The following SPTBN4 variants were observed in gnomAD, a reference collection of about 807,000 sequenced individuals.
SPTBN4 encodes the protein spectrin beta chain, non-erythrocytic 4.
SPTBN4 carries 96 observed loss-of-function variants against 277.8 expected under a neutral mutation model. That is an observed-to-expected ratio of 0.35 (90% CI 0.29 to 0.41). The LOEUF (loss-of-function observed/expected upper bound fraction) is 0.41. SPTBN4 is among the 10% of genes least tolerant of loss of function. The pLI is 1.00. For missense variants in SPTBN4, 3,006 were observed against 3,595.7 expected (o/e 0.84, Z 4.19); for synonymous variants, 1,481 against 1,580.3 (o/e 0.94, Z 1.49).
chr19:40,557,548 T>C, intron 26 of SPTBN4, 145 bp downstream of exon 26: 7 of 969,448 alleles, frequency 7.2e-6, no homozygotes, highest in Non-Finnish European at 1.0e-5. Flanking sequence ...AGAAATTAGA[T>C]AATGGAGCAG....
rs1444674358 is a variant in SPTBN4 at position 40,554,178 on chromosome 19, C to G, written c.4706C>G (p.Pro1569Arg). The change falls in exon 23 of 36, where the codon CCG (proline) becomes CGG (arginine). Residue 1569 changes from proline (P) to arginine (R), a missense_variant. Pro to Arg is a moderately radical substitution (Grantham distance 103). Around this residue, in one of 5 missense-constraint regions of SPTBN4, gnomAD observed 1,759 missense variants for 2,061.5 expected, o/e 0.85. Coordinates refer to ENST00000598249, the MANE Select transcript of SPTBN4 (RefSeq NM_020971.3). The surrounding 1 kb of genome is among the most constrained non-coding windows in gnomAD (Gnocchi z 5.7). ...GLRREIQAHG[P>R]RLEEVLERAG... is the part of the protein sequence containing the mutation. The stretch of plus-strand genomic sequence containing the variant: ...CGGCGGGAGATCCAGGCGCATGGGC[C>G]GCGCCTGGAGGAGGTGCTGGAGCGC... The G allele has an allele frequency of 2.1e-6, 3 of 1,453,696 alleles. No homozygotes were observed. The highest frequency in any genetic ancestry group is 1.5e-5 in the African/African-American group (1 of 67,212). The allele number at this position is 1,453,696 out of a possible 1,614,324, so 90.0% of individuals were successfully genotyped here.
At chr19:40,549,513 C>G (rs1406775400) in intron 21 of SPTBN4, 100 bp downstream of exon 21, 1 of 928,782 alleles carries the variant, frequency 1.1e-6, no homozygotes, top group African/African-American at 1.8e-5. Context: ...CTGAGACCCT[C>G]CCACTCATAC....
At chr19:40,496,102 A>C (rs969284244) in intron 6 of SPTBN4, among the ~76,000 whole-genome samples, 1 of 152,142 alleles carries the variant, frequency 6.6e-6, no homozygotes, top group Non-Finnish European at 1.5e-5. Context: ...TCAATAGTCA[A>C]TGTATCCATT....
chr19:40,575,929 A>G lies in SPTBN4; in HGVS notation c.*360A>G. 1 of 190,638 alleles carries G rather than the reference A, an allele frequency of 5.2e-6. No homozygotes were observed. The allele number at this position is 190,638 out of a possible 1,614,324, so 11.8% of individuals were successfully genotyped here. On this transcript the variant is annotated 3_prime_UTR_variant, in exon 36 of 36. Transcript: ENST00000598249. ...AGAAGCTGGGGTGGTGGGGGCAGTA[A>G]TTCCTGCCCCCCTCTCTGCCCTAGG... is the stretch of plus-strand genomic sequence containing the variant.
chr19:40,575,829 T>C lies in SPTBN4; in HGVS notation c.*260T>C. 3.2e-6 allele frequency: 1 copy of C among 317,424 alleles called. No individual in the cohort carries two copies. The highest frequency in any genetic ancestry group is 5.8e-6 in the Non-Finnish European group (1 of 171,672). 19.7% of individuals were successfully genotyped at this position (317,424 alleles called of 1,614,324 possible). On this transcript the variant is annotated 3_prime_UTR_variant, in exon 36 of 36. Coordinates refer to ENST00000598249, the MANE Select transcript of SPTBN4 (RefSeq NM_020971.3). ...CTGGGGGTCCCTTATTTTTATGCAA[T>C]AACTGAGCTTGATGGGGGTGGGCAG...
chr19:40,570,852 G>A (rs1402560487), intron 33 of SPTBN4, 124 bp downstream of exon 33: 1 of 1,085,314 alleles, frequency 9.2e-7, no homozygotes, highest in East Asian at 3.2e-5. Context: ...GCGGTAGTAG[G>A]TGGGGCCAGA....
intron 20 of SPTBN4, among the ~76,000 whole-genome samples, chr19:40,543,500 T>G (rs1010673282): frequency 6.6e-6 from 1 of 152,080 alleles, no homozygotes; most frequent in Non-Finnish European, 1.5e-5. Context: ...GGATGGATTT[T>G]GGGCAGGCAA....
chr19:40,525,735 A>AG, intron 17 of SPTBN4, among the ~76,000 whole-genome samples: 1 of 152,272 alleles, frequency 6.6e-6, no homozygotes, highest in East Asian at 1.9e-4. Context: ...TGCCTCACAG[A>AG]GCTCGAACGT....
chr19:40,568,073 T>G lies in SPTBN4; in HGVS notation c.6747T>G (p.Pro2249=). The G allele has an allele frequency of 6.4e-7, 1 of 1,561,368 alleles. No individual in the cohort carries two copies. The stretch of plus-strand genomic sequence containing the variant: ...AGGAGCTGCCCAGGAGGCGGCGGCC[T>G]GAGCGGCAAGAGTCAGTCGATCAAT... ...RAEELPRRRR[P]ERQESVDQSE... Residue 2249 remains proline (P), a synonymous_variant, in exon 31 of 36, where the codon CCT becomes CCG. Transcript: ENST00000598249.
chr19:40,525,858 C>A (rs939515863), intron 17 of SPTBN4, among the ~76,000 whole-genome samples: 11 of 152,184 alleles, frequency 7.2e-5, no homozygotes, highest in African/African-American at 2.7e-4. Context: ...CAGCATTTGT[C>A]CCAGGCTTGT....
chr19:40,475,740 G>C (rs936665562), intron 2 of SPTBN4, among the ~76,000 whole-genome samples: 5 of 151,258 alleles, frequency 3.3e-5, no homozygotes, highest in African/African-American at 1.2e-4. Flanking sequence ...AGGATTACAG[G>C]CATGAGCCAT....
chr19:40,520,176 G>A, intron 16 of SPTBN4, 25 bp downstream of exon 16: 1 of 1,370,396 alleles, frequency 7.3e-7, no homozygotes, highest in South Asian at 1.9e-5. Context: ...TGTACATTTC[G>A]GAGAGGGAGA....
At chr19:40,497,285 C>T (rs2080210343) in intron 6 of SPTBN4, 11 of 577,204 alleles carry the variant, frequency 1.9e-5, no homozygotes, top group South Asian at 1.6e-4. Context: ...ACACACATTC[C>T]CGGGAACGCA....
intron 13 of SPTBN4, among the ~76,000 whole-genome samples, chr19:40,511,325 A>G (rs814531): frequency 0.52 from 78,155 of 151,492 alleles, 21,734 homozygotes; most frequent in African/African-American, 0.74. Context: ...GGAGAATCAC[A>G]TCAACCTGGG....
intron 1 of SPTBN4, among the ~76,000 whole-genome samples, chr19:40,471,647 A>G (rs948336262): frequency 2.6e-5 from 4 of 152,190 alleles, no homozygotes; most frequent in African/African-American, 9.7e-5. Flanking sequence ...ATTATAGATC[A>G]CTGTAGCCTT....
intron 2 of SPTBN4, among the ~76,000 whole-genome samples, chr19:40,485,736 G>A (rs1196963017): frequency 4.6e-5 from 7 of 151,972 alleles, no homozygotes; most frequent in Non-Finnish European, 1.0e-4. Flanking sequence ...AGCCTGAGAG[G>A]TTGAGGCTGC....
At chr19:40,570,832 C>A in intron 33 of SPTBN4, 104 bp downstream of exon 33, 1 of 1,287,788 alleles carries the variant, frequency 7.8e-7, no homozygotes, top group Non-Finnish European at 1.0e-6. Context: ...TTCAGGCCCT[C>A]CAGCAGGTGG....
intron 20 of SPTBN4, among the ~76,000 whole-genome samples, chr19:40,544,127 C>CTTTTTT (rs10618096): frequency 1.6e-4 from 20 of 128,868 alleles, no homozygotes; most frequent in Admixed American, 4.8e-4. Flanking sequence ...TCTTCTTCCT[C>CTTTTTT]TTTTTTTTTT....
chr19:40,487,369 G>A (rs2080084382), intron 2 of SPTBN4, among the ~76,000 whole-genome samples: 3 of 145,620 alleles, frequency 2.1e-5, no homozygotes, highest in East Asian at 2.0e-4. Flanking sequence ...TTTTTGAGAT[G>A]GAGTCTTGCT....
Sources: gnomAD v4.1 joint callset for allele counts (sites outside exome capture counted in the v4.1 genomes callset) on GRCh38, gnomAD v4.1.1 for gene constraint, gnomAD v4.1.1 regional missense constraint, Gnocchi (gnomAD v3.1) non-coding constraint, MANE v1.5 for transcripts, NCBI Gene and HGNC (gene_info 2026-07-23, HGNC 2026-07-21) for gene names.